The following DCLRE1C variants were observed in gnomAD, a reference collection of about 807,000 sequenced individuals.
DCLRE1C encodes protein artemis.
In DCLRE1C, 47 loss-of-function variants were observed where a neutral mutation model predicts 61.4. That is an observed-to-expected ratio of 0.77 (90% CI 0.61 to 0.98). The LOEUF is 0.98. Among genes scored for constraint, DCLRE1C ranks in the 50% least tolerant of loss-of-function variants. DCLRE1C has a pLI of 0.00. For synonymous variants in DCLRE1C, 337 were observed against 287.6 expected (o/e 1.17, Z -1.74); for missense variants, 858 against 816.0 (o/e 1.05, Z -0.63).
At chr10:14,922,632 A>G (rs572604364) in intron 12 of DCLRE1C, among the ~76,000 whole-genome samples, 1 of 152,184 alleles carries the variant, frequency 6.6e-6, no homozygotes, top group South Asian at 2.1e-4. Flanking sequence ...ATCTCCCTGT[A>G]TCATCTCTTT....
At chr10:14,923,090 T>G (rs759850168) in intron 11 of DCLRE1C, 21 bp from the exon 12 acceptor site, 7 of 1,558,008 alleles carry the variant, frequency 4.5e-6, no homozygotes, top group Non-Finnish European at 6.2e-6. Context: ...GAAAATCACA[T>G]GGATCAACAA....
chr10:14,946,066 G>A (rs1361837123), intron 2 of DCLRE1C, among the ~76,000 whole-genome samples: 1 of 150,120 alleles, frequency 6.7e-6, no homozygotes, highest in Non-Finnish European at 1.5e-5. Flanking sequence ...GGAGTGCGGT[G>A]GCGCGATCTC....
chr10:14,939,743 G>A lies in DCLRE1C; in HGVS notation c.306+67C>T, dbSNP rs936913534. ...TGGAGCATCTGACTGCAAAATCAAA[G>A]AGAAATATAAACAATCATTTTAGCA... is the stretch of plus-strand genomic sequence containing the variant. On this transcript the variant is annotated intron_variant, in intron 4 of 13. Coordinates refer to ENST00000378278, the MANE Select transcript of DCLRE1C (RefSeq NM_001033855.3). 5.2e-5 allele frequency: 71 copies of A among 1,374,340 alleles called. No individual in the cohort carries two copies. In the African/African-American group the frequency reaches 9.2e-4, roughly 18 times the overall value. 85.1% of individuals were successfully genotyped at this position (1,374,340 alleles called of 1,614,324 possible).
rs372309093 is a variant in DCLRE1C at position 14,934,690 on chromosome 10, C to T, written c.537+13G>A. 30 of 1,613,620 alleles carry T rather than the reference C, an allele frequency of 1.9e-5. No homozygotes were observed. The African/African-American group carries it at 3.7e-4, about 20-fold the overall frequency. ...CACCCAGATGATAACCCTGTTCCTC[C>T]AGGCAGACTTACCCGACTTGGAATT... On this transcript the variant is annotated intron_variant, in intron 7 of 13. Coordinates refer to ENST00000378278, the MANE Select transcript of DCLRE1C (RefSeq NM_001033855.3).
Position 14,943,738 on chromosome 10 carries a change from G to A in DCLRE1C, c.246+1367C>T, listed in dbSNP as rs565703344. Among the ~76,000 whole-genome samples the A allele has an allele frequency of 6.6e-4, 100 of 152,142 alleles. 1 individual carries two copies. The highest frequency in any genetic ancestry group is 1.3e-3 in the Non-Finnish European group (91 of 68,034). On this transcript the variant is annotated intron_variant, in intron 3 of 13. Coordinates refer to ENST00000378278, the MANE Select transcript of DCLRE1C (RefSeq NM_001033855.3). ...AATTTTTTGCATTTTTAGTAGACACGGGGTTTCGCCCTGTTGGCCAGGCTG... is the reference window on the plus strand; with the variant it reads ...AATTTTTTGCATTTTTAGTAGACACAGGGTTTCGCCCTGTTGGCCAGGCTG...
chr10:14,908,941 A>AT lies in DCLRE1C; in HGVS notation c.1545dup (p.Ser516IlefsTer9), dbSNP rs2131775605. On this transcript the variant is annotated frameshift_variant, in exon 14 of 14. Coordinates refer to ENST00000378278, the MANE Select transcript of DCLRE1C (RefSeq NM_001033855.3). LOFTEE classifies it low-confidence loss of function (END_TRUNC). Reference sequence around the variant, plus strand: ...TCACTGAAAAGCTTTGGTGACTGAGATCCCCCTGCCACTGTGGAGGAAGGG... The same window carrying AT: ...TCACTGAAAAGCTTTGGTGACTGAGATTCCCCCTGCCACTGTGGAGGAAGGG... 6.2e-7 allele frequency: 1 copy of AT among 1,614,182 alleles called. No homozygotes were observed. The highest frequency in any genetic ancestry group is 8.5e-7 in the Non-Finnish European group (1 of 1,180,032).
In DCLRE1C at chr10:14,941,258, C is replaced by A. The variant is rs1840804662; in HGVS notation, c.247-1389G>T. On this transcript the variant is annotated intron_variant, in intron 3 of 13. Coordinates refer to ENST00000378278, the MANE Select transcript of DCLRE1C (RefSeq NM_001033855.3). ...CTATGTTCCACACATTCTGACATGC[C>A]ACATTTCCATTGTCCATCAGCTCCT... Among the ~76,000 whole-genome samples the A allele has an allele frequency of 2.0e-5, 3 of 152,210 alleles. No individual in the cohort carries two copies. The South Asian group carries it at 6.2e-4, about 32-fold the overall frequency.
rs1162058273 is a variant in DCLRE1C, at chr10:14,937,281, CTT to C, written c.307-690_307-689del. ...ATTTCTATCTCAATAAAGCTATTTA[CTT>C]TTTTTTTTTTTTTTTTTTTTGAGAT... On this transcript the variant is annotated intron_variant, in intron 4 of 13. Transcript: ENST00000378278. Among the ~76,000 whole-genome samples the C allele has an allele frequency of 9.7e-3, 1,073 of 110,532 alleles. 7 individuals carry two copies. Among genetic ancestry groups the C allele is most frequent in the African/African-American group, 0.032 (852 of 27,030 alleles). The allele number at this position is 110,532 out of a possible 152,430, so 72.5% of individuals were successfully genotyped here. A position where few individuals can be genotyped will look rare whatever the true frequency, so the allele number is the denominator to read the frequency against.
chr10:14,901,839 CTATAA>C (rs1834045189), downstream of DCLRE1C, among the ~76,000 whole-genome samples: 1 of 151,838 alleles, frequency 6.6e-6, no homozygotes, highest in Admixed American at 6.6e-5. Context: ...AAAAAAAAAA[CTATAA>C]GCCTACATTT....
chr10:14,919,383 T>A (rs1836725791), intron 13 of DCLRE1C, among the ~76,000 whole-genome samples: 1 of 151,656 alleles, frequency 6.6e-6, no homozygotes, highest in Admixed American at 6.6e-5. Flanking sequence ...CTTAAGAAAA[T>A]GTTCAAGGAT....
At chr10:14,932,221 C>T (rs754222299) in intron 9 of DCLRE1C, among the ~76,000 whole-genome samples, 5 of 151,540 alleles carry the variant, frequency 3.3e-5, no homozygotes, top group Admixed American at 6.6e-5. Flanking sequence ...GAGAATGTCT[C>T]GAAATATATA....
At chr10:14,954,228 T>A (rs1208178728), upstream of DCLRE1C, 2 of 690,152 alleles carry the variant, frequency 2.9e-6, no homozygotes, top group African/African-American at 3.6e-5. Context: ...TCACCCGCGC[T>A]TCGCTGCACG....
chr10:14,918,300 A>G (rs765121781), intron 13 of DCLRE1C, among the ~76,000 whole-genome samples: 2 of 152,258 alleles, frequency 1.3e-5, no homozygotes, highest in African/African-American at 4.8e-5. Flanking sequence ...CTCCTTATCA[A>G]TAAAAGAGGG....
At position 14,907,325 on chromosome 10, in the gene DCLRE1C, G is replaced by GTGTT. The variant is rs1834491285; in HGVS notation, c.*1079_*1082dup. On this transcript the variant is annotated 3_prime_UTR_variant, in exon 14 of 14. Coordinates refer to ENST00000378278, the MANE Select transcript of DCLRE1C (RefSeq NM_001033855.3). ...CCAAGTTTGTCAATTTAAATCAGGT[G>GTGTT]TGTTTATGAGCAAAGATATGATCAT... Among the ~76,000 whole-genome samples, 1 of 150,634 alleles carries GTGTT rather than the reference G, an allele frequency of 6.6e-6. No homozygotes were observed. Among genetic ancestry groups the GTGTT allele is most frequent in the Non-Finnish European group, 1.5e-5 (1 of 67,822 alleles).
chr10:14,945,437 A>G (rs1433291691), intron 2 of DCLRE1C: 4 of 1,229,488 alleles, frequency 3.3e-6, no homozygotes, highest in African/African-American at 1.6e-5. Context: ...CAACATACCT[A>G]TGCACACCAT....
intron 13 of DCLRE1C, among the ~76,000 whole-genome samples, chr10:14,909,959 GAAAAAAGCCTT>G (rs1834974464): frequency 6.6e-6 from 1 of 152,046 alleles, no homozygotes; most frequent in Non-Finnish European, 1.5e-5. Context: ...TTCTTAAAAT[GAAAAAAGCCTT>G]ACTTAGAAAA....
At chr10:14,912,710 G>A (rs1294966477) in intron 13 of DCLRE1C, among the ~76,000 whole-genome samples, 3 of 152,088 alleles carry the variant, frequency 2.0e-5, no homozygotes, top group Non-Finnish European at 4.4e-5. Context: ...TTCTTTTTGA[G>A]ACAGAGTCTC....
downstream of DCLRE1C, chr10:14,902,382 A>G (rs190486619): frequency 5.9e-4 from 874 of 1,479,184 alleles, 5 homozygotes; most frequent in African/African-American, 4.6e-3. Flanking sequence ...TCTTTCTCCT[A>G]TATTTCTTTT....
chr10:14,953,313 A>C (rs916877125), intron 1 of DCLRE1C, among the ~76,000 whole-genome samples: 1 of 152,200 alleles, frequency 6.6e-6, no homozygotes, highest in African/African-American at 2.4e-5. Flanking sequence ...AAATCGGCCC[A>C]GCTGTGAAAG....
Sources: gnomAD v4.1 joint callset for allele counts (sites outside exome capture counted in the v4.1 genomes callset) on GRCh38, gnomAD v4.1.1 for gene constraint, MANE v1.5 for transcripts, NCBI Gene and HGNC (gene_info 2026-07-23, HGNC 2026-07-21) for gene names.